TRANK1: variants seen among roughly 807,000 people sequenced by gnomAD.
TRANK1 encodes tetratricopeptide repeat and ankyrin repeat containing 1.
In TRANK1, 198 loss-of-function variants were observed where a neutral mutation model predicts 266.0. The ratio of observed to expected loss-of-function variants is 0.74; its 90% CI spans 0.66 to 0.84. The LOEUF is 0.84. Among genes scored for constraint, TRANK1 ranks in the 40% least tolerant of loss-of-function variants. The probability of loss-of-function intolerance (pLI) is 0.00; values close to 1 mark genes in which losing one functional copy is unlikely to be tolerated. For synonymous variants in TRANK1, 1,396 were observed against 1,384.1 expected, an observed-to-expected ratio of 1.01 and a Z score of -0.19; for missense variants, 3,326 against 3,634.6, an observed-to-expected ratio of 0.92 and a Z score of 2.18.
Position 36,930,732 on chromosome 3 carries a change from T to A in TRANK1, c.23+14055A>T, listed in dbSNP as rs923411623. 2.0e-4 allele frequency among the ~76,000 whole-genome samples: 30 copies of A among 152,032 alleles called. 1 individual carries two copies. The highest frequency in any genetic ancestry group is 1.9e-3 in the Admixed American group (29 of 15,262). ...ACTGTGTGATTCCATTTACATGACA[T>A]TCTATAACAGGCAAATCTAAGAAAT... On this transcript the variant is annotated intron_variant, in intron 1 of 23. Transcript: ENST00000645898.
chr3:36,849,742 T>C (rs1375485293), intron 15 of TRANK1, among the ~76,000 whole-genome samples: 1 of 152,206 alleles, frequency 6.6e-6, no homozygotes, highest in Non-Finnish European at 1.5e-5. Flanking sequence ...TATGAAAGCG[T>C]TTCCTCTCAT....
At chr3:36,897,236 C>T (rs1166966997) in intron 4 of TRANK1, among the ~76,000 whole-genome samples, 2 of 152,280 alleles carry the variant, frequency 1.3e-5, no homozygotes, top group Non-Finnish European at 2.9e-5. Context: ...ACCTGGGAGT[C>T]AGAGGTTGCA....
Position 36,846,109 on chromosome 3 carries a change from A to G in TRANK1, c.5191+139T>C, listed in dbSNP as rs756640133. The G allele has an allele frequency of 2.8e-4, 276 of 985,264 alleles. 2 individuals are homozygous for G. Among genetic ancestry groups the G allele is most frequent in the Middle Eastern group, 1.7e-3 (5 of 2,978 alleles). The allele number at this position is 985,264 out of a possible 1,614,324, so 61.0% of individuals were successfully genotyped here. ...TTCCCATGCACCTTGGCAAATGTGTAACAACTTCCATTTCTCAGAAGATTG... is the reference window on the plus strand; with the variant it reads ...TTCCCATGCACCTTGGCAAATGTGTGACAACTTCCATTTCTCAGAAGATTG... On this transcript the variant is annotated intron_variant, in intron 17 of 23. Coordinates refer to ENST00000645898, the MANE Select transcript of TRANK1 (RefSeq NM_001329998.2).
Position 36,943,635 on chromosome 3 carries a change from CT to C in TRANK1, c.23+1151del, listed in dbSNP as rs113837132. ...CCTCCAACACACACACACCGTAGTA[CT>C]TTTTTTTTTTTTCTATAAAGGACCA... On this transcript the variant is annotated intron_variant, in intron 1 of 23. Coordinates refer to ENST00000645898, the MANE Select transcript of TRANK1 (RefSeq NM_001329998.2). 9.5e-3 allele frequency among the ~76,000 whole-genome samples: 1,378 copies of C among 145,392 alleles called. 17 individuals are homozygous for C. Among genetic ancestry groups the C allele is most frequent in the African/African-American group, 0.029 (1,139 of 39,930 alleles).
intron 20 of TRANK1, among the ~76,000 whole-genome samples, chr3:36,837,935 T>A (rs1462116636): frequency 6.6e-6 from 1 of 152,222 alleles, no homozygotes; most frequent in Non-Finnish European, 1.5e-5. Flanking sequence ...TAGCTACATG[T>A]GACTGCTGAA....
chr3:36,935,418 C>G (rs2080411409), intron 1 of TRANK1, among the ~76,000 whole-genome samples: 1 of 148,142 alleles, frequency 6.8e-6, no homozygotes, highest in Non-Finnish European at 1.5e-5. Flanking sequence ...ATTTGTTTTA[C>G]TGCTTTCCCT....
At chr3:36,893,522 G>C (rs1288178457) in intron 5 of TRANK1, among the ~76,000 whole-genome samples, 1 of 152,152 alleles carries the variant, frequency 6.6e-6, no homozygotes, top group Non-Finnish European at 1.5e-5. Flanking sequence ...TTAGTAGCTG[G>C]AAATTGGCCA....
chr3:36,898,453 C>A (rs78036468), intron 4 of TRANK1, among the ~76,000 whole-genome samples: 43,635 of 150,478 alleles, frequency 0.29, 6,669 homozygotes, highest in East Asian at 0.56. Context: ...CCATCTCAAA[C>A]AAAAAAAGAA....
chr3:36,908,167 T>C (rs966751039), intron 2 of TRANK1, among the ~76,000 whole-genome samples, 156 bp downstream of exon 2: 2 of 152,234 alleles, frequency 1.3e-5, no homozygotes, highest in Non-Finnish European at 2.9e-5. Context: ...ACAATCCCTG[T>C]TCACTTCTAA....
chr3:36,923,168 T>A (rs2080239700), intron 1 of TRANK1, among the ~76,000 whole-genome samples: 1 of 152,184 alleles, frequency 6.6e-6, no homozygotes, highest in Admixed American at 6.6e-5. Flanking sequence ...GCTCCTCTTC[T>A]GCTGATTCTG....
In TRANK1 at chr3:36,863,577, G is replaced by A. The variant is rs149628093; in HGVS notation, c.1240+742C>T. Among the ~76,000 whole-genome samples the A allele has an allele frequency of 7.1e-3, 1,084 of 152,284 alleles. 7 individuals are homozygous for A. Among genetic ancestry groups the A allele is most frequent in the Middle Eastern group, 0.027 (8 of 294 alleles). On this transcript the variant is annotated intron_variant, in intron 10 of 23. Coordinates refer to ENST00000645898, the MANE Select transcript of TRANK1 (RefSeq NM_001329998.2). ...CCATCCTAACAGCTAACGAGTACTA[G>A]CATTTTATGTGCAGGACATTAGACT...
At chr3:36,881,334 C>G (rs2079528631) in intron 8 of TRANK1, among the ~76,000 whole-genome samples, 1 of 152,078 alleles carries the variant, frequency 6.6e-6, no homozygotes, top group African/African-American at 2.4e-5. Flanking sequence ...CGCCTGTAGT[C>G]CCAGATACTG....
chr3:36,892,329 G>A lies in TRANK1; in HGVS notation c.648C>T (p.Phe216=). The A allele has an allele frequency of 6.5e-7, 1 of 1,536,962 alleles. No individual in the cohort carries two copies. The highest frequency in any genetic ancestry group is 8.7e-7 in the Non-Finnish European group (1 of 1,146,860). ...GTTCCATCTTCTCATAAAGTCCAAT[G>A]AAAACGTATTTCTGGGGAAAAAAAA... ...SLKSLFEKYV[F]IGLYEKMEQV... is the part of the protein sequence containing the mutation. Residue 216 remains phenylalanine (F), a synonymous_variant, in exon 7 of 24, where the codon TTC becomes TTT. Transcript: ENST00000645898.
chr3:36,891,877 T>C (rs1026925255), intron 7 of TRANK1, among the ~76,000 whole-genome samples: 1 of 152,052 alleles, frequency 6.6e-6, no homozygotes, highest in African/African-American at 2.4e-5. Context: ...AGGAGGAAAC[T>C]CTGCAGGTCT....
chr3:36,851,736 A>C lies in TRANK1; in HGVS notation c.4870T>G (p.Phe1624Val), dbSNP rs2078986713. Residue 1624 changes from phenylalanine to valine, a missense_variant, in exon 15 of 24, where the codon TTT becomes GTT. Phe to Val is a conservative substitution (Grantham distance 50). Coordinates refer to ENST00000645898, the MANE Select transcript of TRANK1 (RefSeq NM_001329998.2). ...TGACATACCTCAGAATCAGTAAAAA[A>C]GTTGTAAAGGAGGACATCATCAAAT... ...LEFDDVLLYNFFTDSEAYKEW... is the reference protein window; with the variant it reads ...LEFDDVLLYNVFTDSEAYKEW... 1 of 1,612,574 alleles carries C rather than the reference A, an allele frequency of 6.2e-7. No individual in the cohort carries two copies. The highest frequency in any genetic ancestry group is 1.1e-5 in the South Asian group (1 of 90,638).
At chr3:36,924,250 G>A (rs1304828645) in intron 1 of TRANK1, among the ~76,000 whole-genome samples, 1 of 152,174 alleles carries the variant, frequency 6.6e-6, no homozygotes, top group Non-Finnish European at 1.5e-5. Context: ...GCCCCTAGCA[G>A]CCAAGTGCTC....
In TRANK1 at chr3:36,944,854, A is replaced by C; in HGVS notation, c.-45T>G. 6.9e-7 allele frequency: 1 copy of C among 1,439,266 alleles called. No homozygotes were observed. Among genetic ancestry groups the C allele is most frequent in the Non-Finnish European group, 9.1e-7 (1 of 1,102,648 alleles). The allele number at this position is 1,439,266 out of a possible 1,614,324, so 89.2% of individuals were successfully genotyped here. On this transcript the variant is annotated 5_prime_UTR_variant, in exon 1 of 24. Coordinates refer to ENST00000645898, the MANE Select transcript of TRANK1 (RefSeq NM_001329998.2). ...GCACCAGGACCGCCGCCGCCTGGGG[A>C]AGCGCTTCCCTGTGGGCAGGGCGCG...
chr3:36,872,401 C>CA (rs969820115), intron 9 of TRANK1, among the ~76,000 whole-genome samples: 22 of 147,088 alleles, frequency 1.5e-4, no homozygotes, highest in African/African-American at 4.3e-4. Flanking sequence ...GACTTCGTCT[C>CA]AAAAAAAAAG....
At chr3:36,929,673 A>G (rs1200984168) in intron 1 of TRANK1, among the ~76,000 whole-genome samples, 1 of 152,222 alleles carries the variant, frequency 6.6e-6, no homozygotes. Context: ...AAAGACATCC[A>G]GATCCCTATC....
Sources: gnomAD v4.1 joint callset for allele counts (sites outside exome capture counted in the v4.1 genomes callset) on GRCh38, gnomAD v4.1.1 for gene constraint, MANE v1.5 for transcripts, NCBI Gene and HGNC (gene_info 2026-07-23, HGNC 2026-07-21) for gene names.